The following RORA variants were observed in gnomAD, a reference collection of about 807,000 sequenced individuals.
The protein encoded by RORA is RAR related orphan receptor A, also known as nuclear receptor ROR-alpha.
Under a neutral mutation model 69.5 loss-of-function variants are expected in RORA, and 7 were observed. The observed-to-expected ratio is 0.10, with a 90% CI of 0.06 to 0.19. The LOEUF (loss-of-function observed/expected upper bound fraction) is 0.19, where lower values mean the gene tolerates loss of function less well. Ranked by LOEUF, RORA falls within the 10% of genes least tolerant of loss-of-function variation. The pLI is 1.00. For synonymous variants in RORA, 261 were observed against 240.8 expected (o/e 1.08, Z -0.78); for missense variants, 457 against 663.0 (o/e 0.69, Z 3.41).
intron 1 of RORA, among the ~76,000 whole-genome samples, chr15:60,858,293 G>C (rs1478627266): frequency 1.3e-5 from 2 of 152,178 alleles, no homozygotes; most frequent in Non-Finnish European, 2.9e-5. Context: ...TTGTGGGTGA[G>C]AGCTGTGTAC....
chr15:60,898,562 G>T (rs1891297594), intron 1 of RORA, among the ~76,000 whole-genome samples: 2 of 151,770 alleles, frequency 1.3e-5, no homozygotes, highest in African/African-American at 4.8e-5. Flanking sequence ...AGTCAGGACT[G>T]GTGGTACACA....
intron 1 of RORA, among the ~76,000 whole-genome samples, chr15:61,012,813 CTAATTTTTG>C (rs1376736274): frequency 6.6e-6 from 1 of 152,276 alleles, no homozygotes; most frequent in Non-Finnish European, 1.5e-5. Flanking sequence ...CCACACCTGT[CTAATTTTTG>C]TAATTTTTGT....
intron 1 of RORA, among the ~76,000 whole-genome samples, chr15:61,121,951 C>T (rs2079108759): frequency 6.6e-6 from 1 of 151,666 alleles, no homozygotes; most frequent in African/African-American, 2.4e-5. Context: ...AGAATAATGT[C>T]ATCTAGTGTA....
intron 1 of RORA, among the ~76,000 whole-genome samples, chr15:60,961,467 A>G (rs1893412040): frequency 1.3e-5 from 2 of 152,074 alleles, no homozygotes; most frequent in African/African-American, 4.8e-5. Flanking sequence ...AATGTTTATC[A>G]CCCATTGATA....
chr15:60,592,969 GAA>G (rs2068582528), intron 2 of RORA: 1 of 454,688 alleles, frequency 2.2e-6, no homozygotes, highest in South Asian at 1.6e-5. Context: ...CTCGTTGGTG[GAA>G]AAGACAGGTT....
At chr15:61,192,182 T>C (rs1260247906) in intron 1 of RORA, among the ~76,000 whole-genome samples, 1 of 152,244 alleles carries the variant, frequency 6.6e-6, no homozygotes, top group Non-Finnish European at 1.5e-5. Flanking sequence ...GTGTGAATAA[T>C]GCGGAGGACT....
At chr15:60,840,046 G>A (rs2073175424) in intron 1 of RORA, among the ~76,000 whole-genome samples, 1 of 152,176 alleles carries the variant, frequency 6.6e-6, no homozygotes, top group Admixed American at 6.5e-5. Context: ...AACAGCCAAG[G>A]GATAAAAGCT....
In RORA at chr15:61,187,553, C is replaced by T. The variant is rs534984612; in HGVS notation, c.166+41500G>A. ...GGCCCGTGTTATTCACGCTGTTCAA[C>T]ACGGCCTCTGCATAACAGCCTCTTC... On this transcript the variant is annotated intron_variant, in intron 1 of 10. Coordinates refer to ENST00000335670, the MANE Select transcript of RORA (RefSeq NM_134261.3). Among the ~76,000 whole-genome samples, 13 of 152,242 alleles carry T rather than the reference C, an allele frequency of 8.5e-5. 1 individual carries two copies. Among genetic ancestry groups the T allele is most frequent in the Non-Finnish European group, 1.3e-4 (9 of 68,038 alleles).
At chr15:60,852,253 G>A (rs1159188747) in intron 1 of RORA, among the ~76,000 whole-genome samples, 2 of 152,184 alleles carry the variant, frequency 1.3e-5, no homozygotes, top group African/African-American at 4.8e-5. Flanking sequence ...GGTAGTCCAT[G>A]TTTGGAGGCT....
Position 61,050,500 on chromosome 15 carries a change from T to C in RORA, c.166+178553A>G, listed in dbSNP as rs546516425. Among the ~76,000 whole-genome samples the C allele has an allele frequency of 7.2e-5, 11 of 152,352 alleles. No individual in the cohort carries two copies. In the South Asian group the frequency reaches 1.7e-3, roughly 23 times the overall value. On this transcript the variant is annotated intron_variant, in intron 1 of 10. Coordinates refer to ENST00000335670, the MANE Select transcript of RORA (RefSeq NM_134261.3). ...AAAGTAGAAGGACACTGTGTAATTC[T>C]ATATGGTCTCTGTCTTCAGGGAGCT...
chr15:60,920,725 T>A (rs902878920), intron 1 of RORA, among the ~76,000 whole-genome samples: 3 of 152,248 alleles, frequency 2.0e-5, no homozygotes, highest in Non-Finnish European at 4.4e-5. Context: ...AATCTTCAGG[T>A]ACACCAAATG....
chr15:61,215,031 ATTTTTTTTTTTTTT>A (rs61132940), intron 1 of RORA, among the ~76,000 whole-genome samples: 1 of 80,626 alleles, frequency 1.2e-5, no homozygotes, highest in Non-Finnish European at 2.3e-5. Flanking sequence ...CGCCCAGCTA[ATTTTTTTTTTTTTT>A]TTTTTTTTTT....
chr15:60,506,644 G>C (rs2141291888), intron 5 of RORA, among the ~76,000 whole-genome samples: 1 of 152,174 alleles, frequency 6.6e-6, no homozygotes, highest in South Asian at 2.1e-4. Flanking sequence ...CTTGAGGTCA[G>C]GAGTTCAAGA....
At chr15:61,189,683 C>T (rs556778682) in intron 1 of RORA, among the ~76,000 whole-genome samples, 15 of 151,860 alleles carry the variant, frequency 9.9e-5, no homozygotes, top group African/African-American at 3.4e-4. Flanking sequence ...CGGTGAAACC[C>T]CATCTCTACT....
At chr15:60,958,132 G>A (rs909863665) in intron 1 of RORA, among the ~76,000 whole-genome samples, 12 of 151,828 alleles carry the variant, frequency 7.9e-5, no homozygotes, top group African/African-American at 2.7e-4. Context: ...CTAGAATTTT[G>A]GTGGGCAAAA....
intron 3 of RORA, among the ~76,000 whole-genome samples, chr15:60,522,708 G>T (rs1298646956): frequency 1.3e-5 from 2 of 151,152 alleles, no homozygotes; most frequent in Non-Finnish European, 2.9e-5. Context: ...GTTTGAGGGT[G>T]CAGTGAGCTA....
rs140086792 is a variant in RORA, at chr15:60,961,184, T to C, written c.166+267869A>G. On this transcript the variant is annotated intron_variant, in intron 1 of 10. Transcript: ENST00000335670. ...TCCCCACATAACATTTCTTTTCTCATGTTGTGTCATGCTGATCTCTGTGTG... is the reference window on the plus strand; with the variant it reads ...TCCCCACATAACATTTCTTTTCTCACGTTGTGTCATGCTGATCTCTGTGTG... Among the ~76,000 whole-genome samples, 513 of 152,308 alleles carry C rather than the reference T, an allele frequency of 3.4e-3. 1 individual carries two copies. The highest frequency in any genetic ancestry group is 5.8e-3 in the Non-Finnish European group (397 of 68,014).
At chr15:61,081,469 C>T (rs559773470) in intron 1 of RORA, among the ~76,000 whole-genome samples, 8 of 152,130 alleles carry the variant, frequency 5.3e-5, no homozygotes, top group African/African-American at 1.2e-4. Context: ...CTTATTTCCC[C>T]GTGTATATTA....
chr15:61,188,800 G>A (rs532414499), intron 1 of RORA, among the ~76,000 whole-genome samples: 8 of 152,198 alleles, frequency 5.3e-5, no homozygotes, highest in African/African-American at 1.4e-4. Context: ...AACGTCTAAC[G>A]TCACATGTTT....
Sources: gnomAD v4.1 joint callset for allele counts (sites outside exome capture counted in the v4.1 genomes callset) on GRCh38, gnomAD v4.1.1 for gene constraint, MANE v1.5 for transcripts, NCBI Gene and HGNC (gene_info 2026-07-23, HGNC 2026-07-21) for gene names.